Variants in SEC24A observed in about 807,000 individuals in gnomAD.
SEC24A encodes protein transport protein Sec24A.
In SEC24A, 93 loss-of-function variants were observed where a neutral mutation model predicts 129.4. The ratio of observed to expected loss-of-function variants is 0.72; its 90% CI spans 0.61 to 0.85. SEC24A has a LOEUF of 0.85. SEC24A is among the 40% of genes least tolerant of loss of function. The pLI is 0.00. For missense variants in SEC24A, 1,264 were observed against 1,307.4 expected, an observed-to-expected ratio of 0.97 and a Z score of 0.51; for synonymous variants, 460 against 467.3, an observed-to-expected ratio of 0.98 and a Z score of 0.20.
chr5:134,705,087 TA>T (rs1184631554), intron 16 of SEC24A, among the ~76,000 whole-genome samples: 2,121 of 125,020 alleles, frequency 0.017, 16 homozygotes, highest in Middle Eastern at 0.079. Flanking sequence ...TATATATATA[TA>T]TATTTTTTTT....
At chr5:134,700,606 C>T (rs976743168) in intron 15 of SEC24A, among the ~76,000 whole-genome samples, 1 of 151,508 alleles carries the variant, frequency 6.6e-6, no homozygotes, top group Non-Finnish European at 1.5e-5. Flanking sequence ...TGTTCCATTA[C>T]ACATTGAAAT....
intron 1 of SEC24A, among the ~76,000 whole-genome samples, chr5:134,653,819 C>T (rs538479341): frequency 1.9e-4 from 29 of 152,092 alleles, no homozygotes; most frequent in African/African-American, 6.5e-4. Flanking sequence ...TACAATTGCA[C>T]AACTGCACTA....
chr5:134,649,450 C>A (rs1291991299), intron 1 of SEC24A, among the ~76,000 whole-genome samples: 1 of 152,118 alleles, frequency 6.6e-6, no homozygotes, highest in East Asian at 1.9e-4. Context: ...GAAAATGCCT[C>A]AAAACTCGAA....
Position 134,665,314 on chromosome 5 carries a change from C to T in SEC24A, c.566-1509C>T, listed in dbSNP as rs1232822513. On this transcript the variant is annotated intron_variant, in intron 2 of 22. Coordinates refer to ENST00000398844, the MANE Select transcript of SEC24A (RefSeq NM_021982.3). Reference sequence around the variant, plus strand: ...ACTAAAAATACAAAAATTAGCCGGGCGTGGTGGCGCGCACTTGTGGACCCA... The same window carrying T: ...ACTAAAAATACAAAAATTAGCCGGGTGTGGTGGCGCGCACTTGTGGACCCA... 2.7e-5 allele frequency among the ~76,000 whole-genome samples: 4 copies of T among 150,810 alleles called. No individual in the cohort carries two copies. The South Asian group carries it at 6.3e-4, about 24-fold the overall frequency.
intron 20 of SEC24A, among the ~76,000 whole-genome samples, chr5:134,718,408 T>C (rs1376602417): frequency 6.6e-6 from 1 of 152,224 alleles, no homozygotes; most frequent in Non-Finnish European, 1.5e-5. Context: ...TGCTATTTTT[T>C]TTTATTATTG....
chr5:134,663,935 A>G (rs1750560859), intron 2 of SEC24A, among the ~76,000 whole-genome samples: 1 of 152,084 alleles, frequency 6.6e-6, no homozygotes, highest in South Asian at 2.1e-4. Context: ...CATGGTGAAA[A>G]CCTCGTGTCT....
chr5:134,723,847 CTAA>C (rs1476177668), intron 22 of SEC24A, among the ~76,000 whole-genome samples, 177 bp downstream of exon 22: 3 of 152,076 alleles, frequency 2.0e-5, no homozygotes, highest in Non-Finnish European at 2.9e-5. Flanking sequence ...TTTTAATTGA[CTAA>C]TAATAAGTGT....
At chr5:134,705,088 ATATTT>A (rs1561828039) in intron 16 of SEC24A, among the ~76,000 whole-genome samples, 1 of 129,304 alleles carries the variant, frequency 7.7e-6, no homozygotes, top group African/African-American at 3.0e-5. Context: ...ATATATATAT[ATATTT>A]TTTTTTTTTT....
Position 134,666,077 on chromosome 5 carries a change from G to A in SEC24A, c.566-746G>A, listed in dbSNP as rs771449680. ...AAGACAGGAGGATCACTGGAGCACC[G>A]GAATTCAAGATCAGCCTGGGCAACA... On this transcript the variant is annotated intron_variant, in intron 2 of 22. Transcript: ENST00000398844. Among the ~76,000 whole-genome samples, 8 of 151,936 alleles carry A rather than the reference G, an allele frequency of 5.3e-5. No individual in the cohort carries two copies. The East Asian group carries it at 9.7e-4, about 18-fold the overall frequency.
Position 134,666,981 on chromosome 5 carries a change from G to C in SEC24A, c.724G>C (p.Ala242Pro). ...RDVPQPLFNS[A>P]VNQEGITSNT... Reference sequence around the variant, plus strand: ...TGTACCCCAGCCCTTATTTAATTCAGCTGTCAACCAAGAAGGTAAGTGAAC... The same window carrying C: ...TGTACCCCAGCCCTTATTTAATTCACCTGTCAACCAAGAAGGTAAGTGAAC... Residue 242 changes from alanine (A) to proline (P), a missense_variant, in exon 3 of 23, where the codon GCT becomes CCT. By Grantham distance (27) the Ala-to-Pro change is conservative. Transcript: ENST00000398844. 1.3e-5 allele frequency: 20 copies of C among 1,567,104 alleles called. No homozygotes were observed. Among genetic ancestry groups the C allele is most frequent in the Non-Finnish European group, 1.7e-5 (20 of 1,162,560 alleles).
At chr5:134,716,949 G>A (rs897170531) in intron 19 of SEC24A, among the ~76,000 whole-genome samples, 33 of 147,964 alleles carry the variant, frequency 2.2e-4, no homozygotes, top group East Asian at 2.1e-4. Context: ...GACTGATCTC[G>A]GCTCACCGCA....
chr5:134,665,656 A>G (rs773613235), intron 2 of SEC24A, among the ~76,000 whole-genome samples: 14 of 151,812 alleles, frequency 9.2e-5, no homozygotes, highest in Non-Finnish European at 1.5e-4. Flanking sequence ...TCGCAGGTTC[A>G]AGTGATTCTC....
rs1750993303 is a variant in SEC24A, at chr5:134,674,701, A to G, written c.904A>G (p.Thr302Ala). ...CTCCTTACCACCTGGTTATCAGAAC[A>G]CAACACCACCTGGTGCAACTGGAGT... ...YPSLPPGYQN[T>A]TPPGATGVPP... The change falls in exon 5 of 23, where the codon ACA becomes GCA. Residue 302 changes from threonine to alanine, a missense_variant. Thr to Ala is a moderately conservative substitution (Grantham distance 58). Coordinates refer to ENST00000398844, the MANE Select transcript of SEC24A (RefSeq NM_021982.3). 1 of 1,614,076 alleles carries G rather than the reference A, an allele frequency of 6.2e-7. No homozygotes were observed. The highest frequency in any genetic ancestry group is 8.5e-7 in the Non-Finnish European group (1 of 1,179,934).
At chr5:134,708,952 T>TC (rs1197131465) in intron 18 of SEC24A, 64 bp downstream of exon 18, 2 of 1,497,880 alleles carry the variant, frequency 1.3e-6, no homozygotes, top group Non-Finnish European at 1.8e-6. Flanking sequence ...ACACCTGCAA[T>TC]CCCAGCACTT....
intron 11 of SEC24A, among the ~76,000 whole-genome samples, chr5:134,690,136 A>G (rs1045152839): frequency 2.0e-5 from 3 of 152,100 alleles, no homozygotes; most frequent in African/African-American, 7.2e-5. Context: ...TTCCTACCTC[A>G]GCCTCCTGAG....
intron 13 of SEC24A, among the ~76,000 whole-genome samples, chr5:134,694,874 C>G (rs546095295): frequency 6.6e-6 from 1 of 151,496 alleles, no homozygotes; most frequent in East Asian, 1.9e-4. Flanking sequence ...ACATTGATGG[C>G]CAAGGTGCTT....
intron 19 of SEC24A, among the ~76,000 whole-genome samples, chr5:134,717,104 C>T (rs1752498466): frequency 6.6e-6 from 1 of 151,738 alleles, no homozygotes; most frequent in African/African-American, 2.4e-5. Flanking sequence ...GTTTCAAATT[C>T]CTAACCTCAA....
At chr5:134,718,852 C>T (rs1752551487) in intron 20 of SEC24A, among the ~76,000 whole-genome samples, 1 of 151,578 alleles carries the variant, frequency 6.6e-6, no homozygotes, top group South Asian at 2.1e-4. Flanking sequence ...TGCCTGTAAT[C>T]CTAACTACTT....
intron 13 of SEC24A, 49 bp from the exon 14 acceptor site, chr5:134,697,077 A>G: frequency 8.9e-7 from 1 of 1,119,172 alleles, no homozygotes; most frequent in Non-Finnish European, 1.3e-6. Flanking sequence ...AGATTTTATG[A>G]CAATGTAATG....
Sources: gnomAD v4.1 joint callset for allele counts (sites outside exome capture counted in the v4.1 genomes callset) on GRCh38, gnomAD v4.1.1 for gene constraint, MANE v1.5 for transcripts, NCBI Gene and HGNC (gene_info 2026-07-23, HGNC 2026-07-21) for gene names.